The following MYL1 variants were observed in gnomAD, a reference collection of about 807,000 sequenced individuals.
MYL1 encodes the protein myosin light chain 1, also known as myosin light chain 1/3, skeletal muscle isoform.
A neutral mutation model predicts 21.8 loss-of-function variants in MYL1; 16 were observed. The observed-to-expected ratio is 0.74, with a 90% CI of 0.50 to 1.12. The LOEUF (loss-of-function observed/expected upper bound fraction) is 1.12. Among genes scored for constraint, MYL1 ranks in the 50% most tolerant of loss-of-function variants. MYL1 has a pLI of 0.00. For missense variants in MYL1, 246 were observed against 241.0 expected, an observed-to-expected ratio of 1.02 and a Z score of -0.14; for synonymous variants, 99 against 85.2, an observed-to-expected ratio of 1.16 and a Z score of -0.89.
intron 1 of MYL1, among the ~76,000 whole-genome samples, chr2:210,314,318 T>C (rs773946694): frequency 1.3e-5 from 2 of 152,198 alleles, no homozygotes; most frequent in Non-Finnish European, 2.9e-5. Flanking sequence ...TTACAGTCAC[T>C]GAAACACTTG....
At chr2:210,303,375 C>G (rs1690292832) in intron 1 of MYL1, among the ~76,000 whole-genome samples, 2 of 152,142 alleles carry the variant, frequency 1.3e-5, no homozygotes, top group Admixed American at 1.3e-4. Flanking sequence ...TAATTATTTT[C>G]TCCTATCTTT....
intron 2 of MYL1, among the ~76,000 whole-genome samples, chr2:210,301,998 T>G (rs1042935793): frequency 5.9e-5 from 9 of 152,154 alleles, no homozygotes; most frequent in African/African-American, 2.2e-4. Context: ...AAATTAATCC[T>G]TCTTCTTTGT....
intron 5 of MYL1, among the ~76,000 whole-genome samples, chr2:210,291,468 A>G (rs1690074777): frequency 6.6e-6 from 1 of 152,156 alleles, no homozygotes; most frequent in Non-Finnish European, 1.5e-5. Flanking sequence ...AGGGTATATA[A>G]CAACAAAATG....
chr2:210,297,597 T>C (rs13010447), intron 3 of MYL1, among the ~76,000 whole-genome samples: 1 of 152,030 alleles, frequency 6.6e-6, no homozygotes, highest in Admixed American at 6.6e-5. Flanking sequence ...ATGTGTCTTG[T>C]CTTTTTTGTT....
chr2:210,305,002 T>G (rs1164423798), intron 1 of MYL1, among the ~76,000 whole-genome samples: 3 of 152,174 alleles, frequency 2.0e-5, no homozygotes, highest in African/African-American at 7.2e-5. Flanking sequence ...CACAAAATAT[T>G]TATCAGTTTT....
At chr2:210,302,554 A>C in intron 1 of MYL1, 39 bp from the exon 2 acceptor site, 1 of 1,596,756 alleles carries the variant, frequency 6.3e-7, no homozygotes, top group Non-Finnish European at 8.5e-7. Flanking sequence ...TGTTTTAACC[A>C]AACAAAAATG....
intron 1 of MYL1, among the ~76,000 whole-genome samples, chr2:210,306,321 C>T (rs1458766110): frequency 6.8e-6 from 1 of 147,480 alleles, no homozygotes; most frequent in Admixed American, 6.8e-5. Context: ...GTGGAGGTTG[C>T]AGTGAGCTGA....
At position 210,298,793 on chromosome 2, in the gene MYL1, T is replaced by C. The variant is rs555949227; in HGVS notation, c.161-230A>G. Among the ~76,000 whole-genome samples the C allele has an allele frequency of 2.6e-5, 4 of 152,336 alleles. No individual in the cohort carries two copies. The South Asian group carries it at 6.2e-4, about 24-fold the overall frequency. On this transcript the variant is annotated intron_variant, in intron 2 of 6. Transcript: ENST00000352451. The stretch of plus-strand genomic sequence containing the variant: ...ATTTCCAACTTTAAGTTGCCTGTTA[T>C]TGTTAATCAGATATGGAAATTGGAG...
At chr2:210,302,553 CAA>C in intron 1 of MYL1, 38 bp from the exon 2 acceptor site, 1 of 1,595,702 alleles carries the variant, frequency 6.3e-7, no homozygotes, top group Non-Finnish European at 8.5e-7. Flanking sequence ...ATGTTTTAAC[CAA>C]ACAAAAATGT....
intron 3 of MYL1, among the ~76,000 whole-genome samples, chr2:210,296,582 C>T (rs999849884): frequency 7.9e-5 from 12 of 152,014 alleles, no homozygotes; most frequent in African/African-American, 2.9e-4. Flanking sequence ...CTCAGGAGTT[C>T]GAGACCAGCC....
At chr2:210,302,650 C>A in intron 1 of MYL1, 135 bp from the exon 2 acceptor site, 1 of 1,490,184 alleles carries the variant, frequency 6.7e-7, no homozygotes, top group African/African-American at 1.4e-5. Context: ...AGAGTTCAGG[C>A]GTAGCTTGGA....
rs1690213682 is a variant in MYL1 at position 210,298,465 on chromosome 2, T to G, written c.259A>C (p.Thr87Pro). The change falls in exon 3 of 7, where the codon ACC (threonine) becomes CCC (proline). Residue 87 changes from threonine to proline, a missense_variant. By Grantham distance (38) the Thr-to-Pro change is conservative (BLOSUM62 -1). Coordinates refer to ENST00000352451, the MANE Select transcript of MYL1 (RefSeq NM_079420.3). ...DVLRALGTNP[T>P]NAEVRKVLGN... is the part of the protein sequence containing the mutation. ...AGAACTTTCCTGACCTCTGCATTGG[T>G]GGGATTTGTGCCCAGAGCTCGAAGG... 6.2e-7 allele frequency: 1 copy of G among 1,614,054 alleles called. No homozygotes were observed. The highest frequency in any genetic ancestry group is 8.5e-7 in the Non-Finnish European group (1 of 1,179,978).
At chr2:210,310,609 A>G (rs961658393) in intron 1 of MYL1, among the ~76,000 whole-genome samples, 2 of 152,098 alleles carry the variant, frequency 1.3e-5, no homozygotes, top group African/African-American at 4.8e-5. Flanking sequence ...AATGGGCAGG[A>G]ATATTTCTAG....
intron 1 of MYL1, 112 bp from the exon 2 acceptor site, chr2:210,302,627 C>CA (rs1690280862): frequency 1.3e-6 from 2 of 1,485,102 alleles, no homozygotes; most frequent in Non-Finnish European, 1.8e-6. Context: ...CTCCAAAAGT[C>CA]AGCCTACTTT....
At chr2:210,312,760 A>G (rs966440413) in intron 1 of MYL1, among the ~76,000 whole-genome samples, 1 of 151,688 alleles carries the variant, frequency 6.6e-6, no homozygotes, top group African/African-American at 2.4e-5. Flanking sequence ...GATTCATTTA[A>G]CTTCTTTTTG....
At chr2:210,298,367 C>CACACAT in intron 3 of MYL1, 53 bp downstream of exon 3, 4 of 1,553,036 alleles carry the variant, frequency 2.6e-6, no homozygotes, top group Non-Finnish European at 3.5e-6. Flanking sequence ...CACACACACA[C>CACACAT]TGCTACACAC....
intron 1 of MYL1, chr2:210,302,857 G>A: frequency 6.6e-7 from 1 of 1,516,016 alleles, no homozygotes. Context: ...ATTGACAGAA[G>A]AATGAGTGCT....
At chr2:210,296,547 A>G (rs1690176996) in intron 3 of MYL1, among the ~76,000 whole-genome samples, 1 of 152,142 alleles carries the variant, frequency 6.6e-6, no homozygotes, top group Non-Finnish European at 1.5e-5. Flanking sequence ...GCACTTTGGG[A>G]GGCCGAGGCG....
intron 1 of MYL1, among the ~76,000 whole-genome samples, chr2:210,305,514 T>C (rs994674985): frequency 1.2e-4 from 18 of 152,148 alleles, no homozygotes; most frequent in African/African-American, 4.3e-4. Context: ...GTGTTCTTTT[T>C]TAGTTTTGTA....
Sources: allele counts gnomAD v4.1 joint callset (sites outside exome capture counted in the v4.1 genomes callset), GRCh38; gene constraint gnomAD v4.1.1; transcripts MANE v1.5; gene names NCBI Gene and HGNC (gene_info 2026-07-23, HGNC 2026-07-21).